The following MEGF10 variants were observed in gnomAD, a reference collection of about 807,000 sequenced individuals.
The protein encoded by MEGF10 is multiple EGF like domains 10.
MEGF10 carries 86 observed loss-of-function variants against 147.5 expected under a neutral mutation model. The ratio of observed to expected loss-of-function variants is 0.58; its 90% CI spans 0.49 to 0.70. The LOEUF (loss-of-function observed/expected upper bound fraction) is 0.70. MEGF10 is among the 30% of genes least tolerant of loss of function. The probability of loss-of-function intolerance (pLI) is 0.00; values close to 1 mark genes in which losing one functional copy is unlikely to be tolerated. For missense variants in MEGF10, 1,329 were observed against 1,487.3 expected (o/e 0.89, Z 1.75); for synonymous variants, 478 against 525.5 (o/e 0.91, Z 1.24).
At chr5:127,298,233 C>T (rs542995699) in intron 1 of MEGF10, among the ~76,000 whole-genome samples, 1 of 152,270 alleles carries the variant, frequency 6.6e-6, no homozygotes, top group African/African-American at 2.4e-5. Context: ...TCAGCGCTGT[C>T]CTGCTGTCCC....
intron 1 of MEGF10, among the ~76,000 whole-genome samples, chr5:127,322,660 T>C (rs1760834330): frequency 1.3e-5 from 2 of 152,322 alleles, no homozygotes; most frequent in Admixed American, 1.3e-4. Flanking sequence ...TAACAAATGT[T>C]TGTTCATTGG....
chr5:127,371,276 C>A (rs1372595743), intron 5 of MEGF10, among the ~76,000 whole-genome samples: 1 of 147,366 alleles, frequency 6.8e-6, no homozygotes, highest in African/African-American at 2.5e-5. Flanking sequence ...TTCTCAATTC[C>A]AGGGGAAAAC....
At chr5:127,310,952 A>G (rs1450343105) in intron 1 of MEGF10, among the ~76,000 whole-genome samples, 1 of 152,172 alleles carries the variant, frequency 6.6e-6, no homozygotes, top group African/African-American at 2.4e-5. Context: ...AGATTGCTGA[A>G]AAGTGAGCAG....
chr5:127,246,184 A>G, the MEGF10 span, among the ~76,000 whole-genome samples: 1 of 152,252 alleles, frequency 6.6e-6, no homozygotes, highest in Non-Finnish European at 1.5e-5. Context: ...TGTTCACAAT[A>G]GCAAAGACTT....
At chr5:127,350,381 A>G (rs1224181814) in intron 4 of MEGF10, among the ~76,000 whole-genome samples, 1 of 152,110 alleles carries the variant, frequency 6.6e-6, no homozygotes, top group Non-Finnish European at 1.5e-5. Context: ...GTGTGTCCCA[A>G]GCTTGTCTGT....
At chr5:127,415,327 A>T (rs1204285782) in intron 9 of MEGF10, among the ~76,000 whole-genome samples, 1 of 152,198 alleles carries the variant, frequency 6.6e-6, no homozygotes, top group Non-Finnish European at 1.5e-5. Flanking sequence ...AATAAATTGT[A>T]TAGTCACTGT....
chr5:127,438,478 C>G lies in MEGF10; in HGVS notation c.2144C>G (p.Thr715Arg). 1 of 1,614,142 alleles carries G rather than the reference C, an allele frequency of 6.2e-7. No individual in the cohort carries two copies. The highest frequency in any genetic ancestry group is 8.5e-7 in the Non-Finnish European group (1 of 1,180,012). ...CACTGGGGCCCAAACTGCATCCACACGTGCAACTGCCATAATGGAGCTTTC... is the reference window on the plus strand; with the variant it reads ...CACTGGGGCCCAAACTGCATCCACAGGTGCAACTGCCATAATGGAGCTTTC... ...PAHWGPNCIH[T>R]CNCHNGAFCS... Residue 715 changes from threonine to arginine, a missense_variant, in exon 17 of 25, where the codon ACG becomes AGG. Transcript: ENST00000503335.
chr5:127,358,080 G>A (rs1005523838), intron 4 of MEGF10, among the ~76,000 whole-genome samples: 1 of 152,194 alleles, frequency 6.6e-6, no homozygotes, highest in African/African-American at 2.4e-5. Flanking sequence ...TTCTCCTTTT[G>A]AAGAAATTCT....
chr5:127,443,449 T>C (rs78580758), intron 19 of MEGF10, among the ~76,000 whole-genome samples: 211 of 152,248 alleles, frequency 1.4e-3, no homozygotes, highest in African/African-American at 4.8e-3. Context: ...TTCAGCTTTA[T>C]TGAGGTGTAA....
At chr5:127,271,161 T>C in the MEGF10 span, among the ~76,000 whole-genome samples, 1 of 152,218 alleles carries the variant, frequency 6.6e-6, no homozygotes, top group African/African-American at 2.4e-5. Context: ...ATGGTTGAAC[T>C]AATTTACACT....
intron 4 of MEGF10, among the ~76,000 whole-genome samples, chr5:127,355,956 A>G (rs1021505053): frequency 2.6e-5 from 4 of 152,186 alleles, no homozygotes; most frequent in African/African-American, 9.6e-5. Flanking sequence ...AGTTCCTGAA[A>G]TTGCAGTCTT....
At chr5:127,350,491 C>A (rs1161237005) in intron 4 of MEGF10, among the ~76,000 whole-genome samples, 2 of 151,902 alleles carry the variant, frequency 1.3e-5, no homozygotes, top group African/African-American at 4.8e-5. Context: ...TTCTTCCTTC[C>A]TTGGTTCTCT....
chr5:127,319,263 A>G (rs769847305), intron 1 of MEGF10, among the ~76,000 whole-genome samples: 44 of 152,004 alleles, frequency 2.9e-4, no homozygotes, highest in Non-Finnish European at 5.4e-4. Flanking sequence ...TTTAGTAGAG[A>G]CAGGGTTTTA....
intron 5 of MEGF10, among the ~76,000 whole-genome samples, chr5:127,377,063 T>G (rs1057406842): frequency 5.3e-5 from 8 of 152,148 alleles, no homozygotes; most frequent in Non-Finnish European, 1.0e-4. Flanking sequence ...GATGATGAAT[T>G]CATAATGGCA....
the MEGF10 span, among the ~76,000 whole-genome samples, chr5:127,240,955 G>A: frequency 6.6e-6 from 1 of 152,126 alleles, no homozygotes; most frequent in Non-Finnish European, 1.5e-5. Flanking sequence ...TGCTTAATAA[G>A]TTGTGTCAAA....
At chr5:127,406,345 G>A (rs1459762625) in intron 8 of MEGF10, among the ~76,000 whole-genome samples, 1 of 152,212 alleles carries the variant, frequency 6.6e-6, no homozygotes, top group Non-Finnish European at 1.5e-5. Flanking sequence ...TGCTGCTCTT[G>A]TAACTATTGT....
At chr5:127,260,687 A>T in the MEGF10 span, among the ~76,000 whole-genome samples, 3 of 152,212 alleles carry the variant, frequency 2.0e-5, no homozygotes, top group African/African-American at 7.2e-5. Context: ...ATATTCTCTG[A>T]GTAAAACTAC....
intron 5 of MEGF10, among the ~76,000 whole-genome samples, chr5:127,378,445 C>A (rs1257777255): frequency 6.6e-6 from 1 of 152,050 alleles, no homozygotes; most frequent in Non-Finnish European, 1.5e-5. Flanking sequence ...CAGGCCACAC[C>A]CTTCTTTATT....
intron 4 of MEGF10, among the ~76,000 whole-genome samples, chr5:127,362,542 T>C (rs1239191943): frequency 6.6e-6 from 1 of 151,880 alleles, no homozygotes; most frequent in Non-Finnish European, 1.5e-5. Context: ...TTTTTTGTAT[T>C]TTTAGTAGAG....
Sources: allele counts gnomAD v4.1 joint callset (sites outside exome capture counted in the v4.1 genomes callset), GRCh38; gene constraint gnomAD v4.1.1; transcripts MANE v1.5; gene names NCBI Gene and HGNC (gene_info 2026-07-23, HGNC 2026-07-21).